PARD3B: variants seen among roughly 807,000 people sequenced by gnomAD.
PARD3B encodes partitioning defective 3 homolog B.
Under a neutral mutation model 130.2 loss-of-function variants are expected in PARD3B, and 103 were observed. That is an observed-to-expected ratio of 0.79 (90% CI 0.67 to 0.93). The LOEUF (loss-of-function observed/expected upper bound fraction) is 0.93. Among genes scored for constraint, PARD3B ranks in the 40% least tolerant of loss-of-function variants. The probability of loss-of-function intolerance (pLI) is 0.00; values close to 1 mark genes in which losing one functional copy is unlikely to be tolerated. For synonymous variants in PARD3B, 583 were observed against 553.2 expected (o/e 1.05, Z -0.76); for missense variants, 1,609 against 1,499.2 (o/e 1.07, Z -1.21).
intron 6 of PARD3B, among the ~76,000 whole-genome samples, chr2:205,117,888 A>G (rs2030034014): frequency 1.3e-5 from 1 of 77,480 alleles, no homozygotes; most frequent in African/African-American, 4.6e-5. Context: ...TGGTTTATAT[A>G]TGTAACAGAA....
At chr2:205,373,498 C>T (rs2044906160) in intron 18 of PARD3B, among the ~76,000 whole-genome samples, 1 of 152,032 alleles carries the variant, frequency 6.6e-6, no homozygotes. Flanking sequence ...TATTAGACTT[C>T]AAATAAATTT....
At chr2:205,587,232 T>G (rs749829065) in intron 22 of PARD3B, among the ~76,000 whole-genome samples, 46 of 152,210 alleles carry the variant, frequency 3.0e-4, no homozygotes, top group Non-Finnish European at 5.7e-4. Flanking sequence ...CAGAAGTCAC[T>G]GGTCATGAGG....
At position 204,829,252 on chromosome 2, in the gene PARD3B, A is replaced by G. The variant is rs547398506; in HGVS notation, c.223-135900A>G. Among the ~76,000 whole-genome samples, 11 of 152,358 alleles carry G rather than the reference A, an allele frequency of 7.2e-5. No individual in the cohort carries two copies. The East Asian group carries it at 9.6e-4, about 13-fold the overall frequency. ...GTTAACCAACATTTACTGAATGACT[A>G]TTATGTGCTAGGAACTTGCTTATTC... is the stretch of plus-strand genomic sequence containing the variant. On this transcript the variant is annotated intron_variant, in intron 2 of 22. Coordinates refer to ENST00000406610, the MANE Select transcript of PARD3B (RefSeq NM_001302769.2).
intron 1 of PARD3B, among the ~76,000 whole-genome samples, chr2:204,560,960 G>A (rs543229141): frequency 3.5e-4 from 54 of 152,236 alleles, no homozygotes; most frequent in African/African-American, 1.3e-3. Flanking sequence ...GAAGAGAAGT[G>A]TAGGTGGAAC....
rs1043327201 is a variant in PARD3B, at chr2:204,606,434, G to C, written c.120+60315G>C. Reference sequence around the variant, plus strand: ...CAGTCAGGGTCCCTGGCTGATGAAGGCTCCATCTTAAACATTTTTCCATGA... The same window carrying C: ...CAGTCAGGGTCCCTGGCTGATGAAGCCTCCATCTTAAACATTTTTCCATGA... On this transcript the variant is annotated intron_variant, in intron 1 of 22. Coordinates refer to ENST00000406610, the MANE Select transcript of PARD3B (RefSeq NM_001302769.2). This position sits in a 1 kb window ranked among gnomAD's most constrained non-coding sequence, Gnocchi z 4.0. Among the ~76,000 whole-genome samples, 2 of 152,066 alleles carry C rather than the reference G, an allele frequency of 1.3e-5. No individual in the cohort carries two copies. Among genetic ancestry groups the C allele is most frequent in the African/African-American group, 2.4e-5 (1 of 41,426 alleles).
intron 1 of PARD3B, among the ~76,000 whole-genome samples, chr2:204,620,566 A>T (rs1200296504): frequency 1.3e-5 from 2 of 152,194 alleles, no homozygotes; most frequent in Admixed American, 6.6e-5. Context: ...CAGGGCCGTT[A>T]TCTACCATAG....
intron 10 of PARD3B, among the ~76,000 whole-genome samples, chr2:205,138,296 A>G (rs1157279159): frequency 6.6e-6 from 1 of 152,126 alleles, no homozygotes; most frequent in Non-Finnish European, 1.5e-5. Context: ...TTTCCCCTAC[A>G]TTGCTGTTTA....
chr2:205,054,299 C>T (rs1181179774), intron 4 of PARD3B, among the ~76,000 whole-genome samples: 1 of 149,450 alleles, frequency 6.7e-6, no homozygotes, highest in Non-Finnish European at 1.5e-5. Flanking sequence ...GTGTGTGCTC[C>T]CCGATTTTTC....
At chr2:205,425,525 T>C (rs1474140664) in intron 19 of PARD3B, among the ~76,000 whole-genome samples, 1 of 148,546 alleles carries the variant, frequency 6.7e-6, no homozygotes, top group Non-Finnish European at 1.5e-5. Flanking sequence ...ATCCCATTAG[T>C]TTAGAATATG....
chr2:205,471,793 ACT>A (rs1319213180), intron 20 of PARD3B, among the ~76,000 whole-genome samples: 1 of 152,138 alleles, frequency 6.6e-6, no homozygotes, highest in Non-Finnish European at 1.5e-5. Context: ...ATGACATGAA[ACT>A]CTATTTTAAT....
intron 1 of PARD3B, among the ~76,000 whole-genome samples, chr2:204,584,666 G>A (rs1323947109): frequency 6.6e-6 from 1 of 152,114 alleles, no homozygotes; most frequent in Non-Finnish European, 1.5e-5. Context: ...GATATGATGT[G>A]GACATTGGGG....
At chr2:205,228,727 G>A (rs944108990) in intron 15 of PARD3B, among the ~76,000 whole-genome samples, 24 of 151,964 alleles carry the variant, frequency 1.6e-4, no homozygotes, top group African/African-American at 5.6e-4. Context: ...TCCTCTTTAA[G>A]GCCAATAACT....
intron 1 of PARD3B, among the ~76,000 whole-genome samples, chr2:204,630,072 C>G (rs1454024331): frequency 6.6e-6 from 1 of 152,116 alleles, no homozygotes; most frequent in African/African-American, 2.4e-5. Flanking sequence ...TGCCTTGAAA[C>G]AAGATCTTAA....
intron 3 of PARD3B, among the ~76,000 whole-genome samples, chr2:205,003,579 A>G (rs189764360): frequency 6.6e-6 from 1 of 152,128 alleles, no homozygotes; most frequent in Non-Finnish European, 1.5e-5. Flanking sequence ...TGTTCTGACC[A>G]CTTTACTGAA....
chr2:205,189,356 G>T (rs566035834), intron 14 of PARD3B, among the ~76,000 whole-genome samples: 1 of 152,218 alleles, frequency 6.6e-6, no homozygotes, highest in South Asian at 2.1e-4. Context: ...TACATTCCTG[G>T]TTTGTCACCA....
intron 1 of PARD3B, among the ~76,000 whole-genome samples, chr2:204,555,056 A>G (rs2030821360): frequency 1.3e-5 from 2 of 152,218 alleles, no homozygotes; most frequent in Admixed American, 1.3e-4. Context: ...ATCAGTCTGC[A>G]GTAAAAACCT....
chr2:204,977,443 T>A (rs1239230107), intron 3 of PARD3B, among the ~76,000 whole-genome samples: 1 of 152,078 alleles, frequency 6.6e-6, no homozygotes. Flanking sequence ...CAAAGGTGTG[T>A]TTAGAGAGAA....
chr2:204,932,658 A>T (rs1257788802), intron 2 of PARD3B, among the ~76,000 whole-genome samples: 4 of 152,224 alleles, frequency 2.6e-5, no homozygotes, highest in Non-Finnish European at 5.9e-5. Flanking sequence ...CGTAATAAAC[A>T]TTCTTTGGAA....
intron 3 of PARD3B, among the ~76,000 whole-genome samples, chr2:205,028,710 C>T (rs28580627): frequency 0.25 from 37,991 of 151,944 alleles, 5,112 homozygotes; most frequent in South Asian, 0.47. Context: ...AAAAGACATC[C>T]GAATTAGGAA....
Sources: gnomAD v4.1 joint callset for allele counts (sites outside exome capture counted in the v4.1 genomes callset) on GRCh38, gnomAD v4.1.1 for gene constraint, Gnocchi (gnomAD v3.1) non-coding constraint, MANE v1.5 for transcripts, NCBI Gene and HGNC (gene_info 2026-07-23, HGNC 2026-07-21) for gene names.